The following SYN3 variants were observed in gnomAD, a reference collection of about 807,000 sequenced individuals.
The protein encoded by SYN3 is synapsin-3.
In SYN3, 35 loss-of-function variants were observed where a neutral mutation model predicts 65.8. That is an observed-to-expected ratio of 0.53 (90% CI 0.41 to 0.70). SYN3 has a LOEUF of 0.70. Ranked by LOEUF, SYN3 falls within the 30% of genes least tolerant of loss-of-function variation. The pLI is 0.00. For synonymous variants in SYN3, 270 were observed against 292.9 expected, an observed-to-expected ratio of 0.92 and a Z score of 0.80; for missense variants, 680 against 749.0, an observed-to-expected ratio of 0.91 and a Z score of 1.08.
intron 1 of SYN3, among the ~76,000 whole-genome samples, chr22:33,049,327 A>G (rs5998709): frequency 0.11 from 16,323 of 152,008 alleles, 1,264 homozygotes; most frequent in East Asian, 0.3. Context: ...CTGCTGGACA[A>G]CTCCACTACC....
chr22:32,815,410 C>A (rs187210395), intron 6 of SYN3, among the ~76,000 whole-genome samples: 1 of 152,186 alleles, frequency 6.6e-6, no homozygotes, highest in Admixed American at 6.5e-5. Context: ...GGAACTGGAA[C>A]AAAAATAATA....
chr22:32,687,903 A>G (rs1449760588), intron 6 of SYN3, among the ~76,000 whole-genome samples: 5 of 151,876 alleles, frequency 3.3e-5, no homozygotes, highest in African/African-American at 1.2e-4. Context: ...ATCTCAGCCC[A>G]AATGTCACCA....
At chr22:32,844,874 C>A (rs1427957241) in intron 6 of SYN3, among the ~76,000 whole-genome samples, 1 of 152,008 alleles carries the variant, frequency 6.6e-6, no homozygotes, top group Non-Finnish European at 1.5e-5. Flanking sequence ...CCATGCCTGG[C>A]TAATTGTTTT....
intron 6 of SYN3, among the ~76,000 whole-genome samples, chr22:32,742,029 T>G (rs2044786663): frequency 6.6e-6 from 1 of 151,968 alleles, no homozygotes; most frequent in African/African-American, 2.4e-5. Flanking sequence ...ATCCCAGCAC[T>G]TTGGGAGCCC....
intron 6 of SYN3, among the ~76,000 whole-genome samples, chr22:32,774,438 A>G (rs1467530187): frequency 6.6e-6 from 1 of 152,046 alleles, no homozygotes; most frequent in Non-Finnish European, 1.5e-5. Flanking sequence ...TGGAAGAGAT[A>G]AGGAAGGACC....
chr22:32,980,191 T>C (rs1312229140), intron 3 of SYN3, among the ~76,000 whole-genome samples: 1 of 152,176 alleles, frequency 6.6e-6, no homozygotes, highest in Non-Finnish European at 1.5e-5. Flanking sequence ...TATAAGGAAA[T>C]CAAGGCAGAG....
chr22:32,992,106 A>AG (rs68166731), intron 2 of SYN3, among the ~76,000 whole-genome samples: 56,290 of 152,168 alleles, frequency 0.37, 11,089 homozygotes, highest in Middle Eastern at 0.44. Context: ...CAGGTTGTGG[A>AG]GGAGAAAACA....
rs1307734966 is a variant in SYN3 at position 32,527,987 on chromosome 22, C to A, written c.1249G>T (p.Ala417Ser). Residue 417 changes from alanine (A) to serine (S), a missense_variant, in exon 12 of 14, where the codon GCG (alanine) becomes TCG (serine). Transcript: ENST00000358763. ...AGCTGGGCTTGCCCTGGGGATTTCG[C>A]TGATTTAATCTGTGGAGCCTAGAGC... ...LRPWAPQIKS[A>S]KSPGQAQLGP... is the part of the protein sequence containing the mutation. The A allele has an allele frequency of 1.3e-6, 2 of 1,583,080 alleles. No homozygotes were observed. The highest frequency in any genetic ancestry group is 1.8e-5 in the Admixed American group (1 of 56,458).
chr22:32,739,178 G>C (rs574934337), intron 6 of SYN3, among the ~76,000 whole-genome samples: 62 of 150,856 alleles, frequency 4.1e-4, no homozygotes, highest in African/African-American at 1.4e-3. Flanking sequence ...AATCACAGGG[G>C]GGGGGCGGTT....
chr22:33,026,104 T>A (rs1038574747), intron 1 of SYN3, among the ~76,000 whole-genome samples: 4 of 151,868 alleles, frequency 2.6e-5, no homozygotes, highest in African/African-American at 9.7e-5. Flanking sequence ...CCAAGAAGAG[T>A]GAACTCCTAG....
chr22:32,821,351 C>T (rs1224282228), intron 6 of SYN3, among the ~76,000 whole-genome samples: 7 of 152,152 alleles, frequency 4.6e-5, no homozygotes, highest in South Asian at 2.1e-4. Context: ...ACATTCTTTA[C>T]GTTCCATTGA....
At chr22:32,907,537 G>A (rs1029016335) in intron 4 of SYN3, among the ~76,000 whole-genome samples, 14 of 152,142 alleles carry the variant, frequency 9.2e-5, no homozygotes, top group Admixed American at 5.2e-4. Context: ...GGTGAGTGAA[G>A]CACTCACCTT....
chr22:32,829,182 G>A (rs2047500865), intron 6 of SYN3, among the ~76,000 whole-genome samples: 2 of 152,168 alleles, frequency 1.3e-5, no homozygotes, highest in African/African-American at 2.4e-5. Context: ...TCCCATTGCC[G>A]GCTTTAGTCC....
intron 1 of SYN3, among the ~76,000 whole-genome samples, chr22:33,047,863 C>CAAA (rs58025351): frequency 2.8e-4 from 15 of 53,468 alleles, no homozygotes; most frequent in East Asian, 6.6e-4. Flanking sequence ...TTTTCATGTG[C>CAAA]AAAAAAAAAA....
At chr22:32,662,164 T>A (rs1374127922) in intron 6 of SYN3, among the ~76,000 whole-genome samples, 2 of 152,164 alleles carry the variant, frequency 1.3e-5, no homozygotes, top group African/African-American at 2.4e-5. Flanking sequence ...GGTTTCCAGG[T>A]ATTCCCCCTA....
At chr22:32,748,441 C>T (rs991105121) in intron 6 of SYN3, among the ~76,000 whole-genome samples, 2 of 152,114 alleles carry the variant, frequency 1.3e-5, no homozygotes, top group Admixed American at 6.5e-5. Context: ...GAGAAAATGG[C>T]AAAACCAAGA....
intron 2 of SYN3, among the ~76,000 whole-genome samples, chr22:33,005,496 TA>T (rs1396822829): frequency 5.9e-5 from 9 of 152,226 alleles, no homozygotes; most frequent in Non-Finnish European, 1.0e-4. Flanking sequence ...TTCCCTACTA[TA>T]CCCATGCATC....
Position 32,831,451 on chromosome 22 carries a change from G to A in SYN3, c.711+33464C>T, listed in dbSNP as rs532262451. On this transcript the variant is annotated intron_variant, in intron 6 of 13. Transcript: ENST00000358763. Reference sequence around the variant, plus strand: ...TTCAAAGCCAGATGATCAGGGCAGCGGGGCTGGATTTTCATCTTCATGGCT... The same window carrying A: ...TTCAAAGCCAGATGATCAGGGCAGCAGGGCTGGATTTTCATCTTCATGGCT... 5.9e-5 allele frequency among the ~76,000 whole-genome samples: 9 copies of A among 152,256 alleles called. No homozygotes were observed. The East Asian group carries it at 9.7e-4, about 16-fold the overall frequency.
intron 6 of SYN3, chr22:32,862,963 T>C (rs567423091): frequency 6.6e-4 from 101 of 152,810 alleles, no homozygotes; most frequent in African/African-American, 2.4e-3. Context: ...ATGTATATTG[T>C]CTTGTAATGT....
Sources: allele counts gnomAD v4.1 joint callset (sites outside exome capture counted in the v4.1 genomes callset), GRCh38; gene constraint gnomAD v4.1.1; transcripts MANE v1.5; gene names NCBI Gene and HGNC (gene_info 2026-07-23, HGNC 2026-07-21).